Variants in TAFA4 observed in about 807,000 individuals in gnomAD.
The protein encoded by TAFA4 is TAFA chemokine like family member 4.
In TAFA4, 20 loss-of-function variants were observed where a neutral mutation model predicts 21.1. The ratio of observed to expected loss-of-function variants is 0.95; its 90% CI spans 0.67 to 1.38. The LOEUF (loss-of-function observed/expected upper bound fraction) is 1.38. Among genes scored for constraint, TAFA4 ranks in the 40% most tolerant of loss-of-function variants. The probability of loss-of-function intolerance (pLI) is 0.00; values close to 1 mark genes in which losing one functional copy is unlikely to be tolerated. For synonymous variants in TAFA4, 71 were observed against 67.4 expected (o/e 1.05, Z -0.26); for missense variants, 211 against 180.9 (o/e 1.17, Z -0.95).
At position 68,771,149 on chromosome 3, in the gene TAFA4, T is replaced by G. The variant is rs572775733; in HGVS notation, c.131-18131A>C. Among the ~76,000 whole-genome samples, 5 of 152,260 alleles carry G rather than the reference T, an allele frequency of 3.3e-5. No individual in the cohort carries two copies. In the East Asian group the frequency reaches 9.7e-4, roughly 29 times the overall value. On this transcript the variant is annotated intron_variant, in intron 3 of 5. Coordinates refer to ENST00000295569, the MANE Select transcript of TAFA4 (RefSeq NM_182522.5). ...CCCATCCATCTCACTGAGAGCTACC[T>G]CCACCACTCAATAAAACCTTGCACT...
Position 68,931,613 on chromosome 3 carries a change from G to A in TAFA4, c.-123+627C>T, listed in dbSNP as rs145694565. Among the ~76,000 whole-genome samples, 331 of 152,274 alleles carry A rather than the reference G, an allele frequency of 2.2e-3. 3 individuals are homozygous for A. The highest frequency in any genetic ancestry group is 7.4e-3 in the African/African-American group (309 of 41,562). ...GAAATGTAGAGATGCCACCTTGGTGGGCAAATCTGAGATGCCTCCCGCGGA... is the reference window on the plus strand; with the variant it reads ...GAAATGTAGAGATGCCACCTTGGTGAGCAAATCTGAGATGCCTCCCGCGGA... On this transcript the variant is annotated intron_variant, in intron 1 of 5. Transcript: ENST00000295569.
chr3:68,803,873 C>A (rs1461088852), intron 3 of TAFA4, among the ~76,000 whole-genome samples: 1 of 124,300 alleles, frequency 8.0e-6, no homozygotes, highest in African/African-American at 3.1e-5. Context: ...GGTGTGATCT[C>A]GGCTCACGGC....
At chr3:68,746,979 C>A (rs1029247828) in intron 4 of TAFA4, among the ~76,000 whole-genome samples, 1 of 152,172 alleles carries the variant, frequency 6.6e-6, no homozygotes, top group African/African-American at 2.4e-5. Flanking sequence ...ACCAGTAGCA[C>A]CCTCTCCCAG....
intron 3 of TAFA4, among the ~76,000 whole-genome samples, chr3:68,865,673 A>G (rs2089407061): frequency 6.6e-6 from 1 of 152,064 alleles, no homozygotes; most frequent in South Asian, 2.1e-4. Flanking sequence ...GGATGAATAC[A>G]CTCAGTCTGG....
At chr3:68,868,413 T>G (rs1412461596) in intron 3 of TAFA4, among the ~76,000 whole-genome samples, 5 of 151,986 alleles carry the variant, frequency 3.3e-5, no homozygotes, top group African/African-American at 1.2e-4. Context: ...GACCTGACAT[T>G]TACAGAACAT....
chr3:68,734,824 T>C (rs1702210327), intron 5 of TAFA4, among the ~76,000 whole-genome samples: 1 of 152,120 alleles, frequency 6.6e-6, no homozygotes, highest in Non-Finnish European at 1.5e-5. Context: ...ATGGTGGCTA[T>C]TGTGATGTTA....
At chr3:68,927,883 G>C (rs2090124217) in intron 1 of TAFA4, among the ~76,000 whole-genome samples, 2 of 148,158 alleles carry the variant, frequency 1.3e-5, no homozygotes, top group Admixed American at 6.7e-5. Context: ...GGGTAACAGA[G>C]ACACCATCTC....
chr3:68,769,928 T>G (rs1174468726), intron 3 of TAFA4, among the ~76,000 whole-genome samples: 1 of 152,182 alleles, frequency 6.6e-6, no homozygotes, highest in Non-Finnish European at 1.5e-5. Context: ...AATCCTCTTT[T>G]TCATACATGG....
At chr3:68,907,717 C>G (rs1873268) in intron 1 of TAFA4, among the ~76,000 whole-genome samples, 40,384 of 152,092 alleles carry the variant, frequency 0.27, 6,539 homozygotes, top group East Asian at 0.63. Context: ...GCTCCTGGCC[C>G]TGATGAATTA....
intron 1 of TAFA4, among the ~76,000 whole-genome samples, chr3:68,905,236 A>G (rs980208494): frequency 7.2e-6 from 1 of 138,738 alleles, no homozygotes; most frequent in East Asian, 2.2e-4. Context: ...GCTCACTGCA[A>G]CCTCCGCCTC....
chr3:68,916,694 C>T (rs533076376), intron 1 of TAFA4, among the ~76,000 whole-genome samples: 2 of 152,278 alleles, frequency 1.3e-5, no homozygotes, highest in Middle Eastern at 3.4e-3. Context: ...TACTTCAGCA[C>T]CACAGAATCA....
intron 1 of TAFA4, among the ~76,000 whole-genome samples, chr3:68,928,595 A>G (rs2090131406): frequency 1.3e-5 from 2 of 152,220 alleles, no homozygotes; most frequent in Non-Finnish European, 2.9e-5. Flanking sequence ...TTTCGTTTAT[A>G]ACTGTGGATA....
chr3:68,838,925 C>T (rs1344580827), intron 3 of TAFA4, among the ~76,000 whole-genome samples: 4 of 151,984 alleles, frequency 2.6e-5, no homozygotes, highest in South Asian at 2.1e-4. Flanking sequence ...GGTGAAACCC[C>T]GTCTCCACAA....
chr3:68,874,726 C>T (rs1384212555), intron 3 of TAFA4, among the ~76,000 whole-genome samples: 1 of 152,086 alleles, frequency 6.6e-6, no homozygotes, highest in African/African-American at 2.4e-5. Flanking sequence ...GGATGGCTCA[C>T]AAGCTCATTT....
At chr3:68,904,764 A>C (rs918247037) in intron 1 of TAFA4, among the ~76,000 whole-genome samples, 1 of 151,924 alleles carries the variant, frequency 6.6e-6, no homozygotes, top group African/African-American at 2.4e-5. Flanking sequence ...TTATTTATCA[A>C]CTCCTCACTT....
At chr3:68,810,699 C>T (rs1334571116) in intron 3 of TAFA4, among the ~76,000 whole-genome samples, 6 of 152,152 alleles carry the variant, frequency 3.9e-5, no homozygotes, top group East Asian at 3.9e-4. Context: ...TGGAGCCCAC[C>T]GCAGCTCAAG....
chr3:68,875,319 T>TG (rs970885933), intron 3 of TAFA4, among the ~76,000 whole-genome samples: 3 of 152,002 alleles, frequency 2.0e-5, no homozygotes, highest in Admixed American at 6.6e-5. Context: ...ATAATACAGG[T>TG]GCCTGCACTC....
chr3:68,830,443 T>G (rs968142282), intron 3 of TAFA4, among the ~76,000 whole-genome samples: 2 of 152,196 alleles, frequency 1.3e-5, no homozygotes, highest in African/African-American at 2.4e-5. Context: ...ATTTCGTTAT[T>G]TACCCAGTAG....
chr3:68,760,155 A>G (rs1476954583), intron 3 of TAFA4, among the ~76,000 whole-genome samples: 1 of 152,214 alleles, frequency 6.6e-6, no homozygotes, highest in Non-Finnish European at 1.5e-5. Flanking sequence ...TGTAGACACC[A>G]TTAAAAGTGT....
Sources: allele counts gnomAD v4.1 joint callset (sites outside exome capture counted in the v4.1 genomes callset), GRCh38; gene constraint gnomAD v4.1.1; transcripts MANE v1.5; gene names NCBI Gene and HGNC (gene_info 2026-07-23, HGNC 2026-07-21).